KLHL15: variants seen among roughly 807,000 people sequenced by gnomAD.
The protein encoded by KLHL15 is kelch like family member 15, also known as kelch-like protein 15.
Under a neutral mutation model 29.3 loss-of-function variants are expected in KLHL15, and 1 was observed. The ratio of observed to expected loss-of-function variants is 0.03; its 90% confidence interval spans 0.01 to 0.16. KLHL15 has a LOEUF of 0.16. Ranked by LOEUF, KLHL15 falls within the 10% of genes least tolerant of loss-of-function variation. The pLI, the probability that KLHL15 is intolerant of heterozygous loss-of-function variation, is 1.00. For missense variants in KLHL15, 215 were observed against 478.5 expected (o/e 0.45, Z 5.14); for synonymous variants, 212 against 184.5 (o/e 1.15, Z -1.21).
intron 3 of KLHL15, among the ~76,000 whole-genome samples, chrX:23,990,579 A>AT (rs1395155433): frequency 6.3e-5 from 7 of 111,776 alleles, no homozygotes; most frequent in Non-Finnish European, 3.8e-5. Flanking sequence ...TGATTTGAGC[A>AT]TTTAGACTTG....
intron 3 of KLHL15, among the ~76,000 whole-genome samples, chrX:23,997,069 T>A (rs1929204921): frequency 8.9e-6 from 1 of 112,222 alleles, no homozygotes; most frequent in Non-Finnish European, 1.9e-5. Context: ...AAAAATGAAC[T>A]GAACTTCAGA....
intron 2 of KLHL15, among the ~76,000 whole-genome samples, chrX:24,022,421 T>TC (rs1399475985): frequency 9.6e-6 from 1 of 103,984 alleles, no homozygotes; most frequent in Admixed American, 1.0e-4. Flanking sequence ...ATCACTTGAG[T>TC]CCAGGAGTTC....
intron 3 of KLHL15, among the ~76,000 whole-genome samples, chrX:24,003,957 T>TAAA (rs373003607): frequency 1.2e-5 from 1 of 86,127 alleles, no homozygotes; most frequent in African/African-American, 4.1e-5. Context: ...AAAAGTATAC[T>TAAA]AAAAAAAAAA....
intron 2 of KLHL15, among the ~76,000 whole-genome samples, chrX:24,007,935 AC>A (rs1227546072): frequency 1.7e-4 from 14 of 82,698 alleles, no homozygotes; most frequent in South Asian, 1.1e-3. Context: ...GAAAAAAAAA[AC>A]AAGTGACTGC....
chrX:24,000,109 T>C (rs1958264485), intron 3 of KLHL15, among the ~76,000 whole-genome samples: 1 of 112,048 alleles, frequency 8.9e-6, no homozygotes, highest in African/African-American at 3.2e-5. Context: ...CTGAAGGAGA[T>C]TTAGAACTTT....
At chrX:24,012,190 G>A (rs370033233) in intron 2 of KLHL15, among the ~76,000 whole-genome samples, 3 of 112,568 alleles carry the variant, frequency 2.7e-5, no homozygotes, top group East Asian at 5.6e-4. Context: ...AGAGTATCAG[G>A]TAGTTTTACT....
chrX:23,996,389 G>A (rs1023352772), intron 3 of KLHL15, among the ~76,000 whole-genome samples: 23 of 112,371 alleles, frequency 2.0e-4, no homozygotes, highest in African/African-American at 7.1e-4. Context: ...TATCAGGCCG[G>A]GCGTGGTGGC....
chrX:23,988,122 A>G lies in KLHL15; in HGVS notation c.1614T>C (p.Thr538=). 8.3e-7 allele frequency: 1 copy of G among 1,211,548 alleles called. No homozygotes were observed. Among genetic ancestry groups the G allele is most frequent in the Non-Finnish European group, 1.1e-6 (1 of 895,185 alleles). The change falls in exon 4 of 4, where the codon ACT becomes ACC. Residue 538 remains threonine (T), a synonymous_variant. Coordinates refer to ENST00000328046, the MANE Select transcript of KLHL15 (RefSeq NM_030624.3). ...GAACCATTATTTGTTTGTCCAGCACAGTCACACCATGGCCACTTCTACCAA... is the reference window on the plus strand; with the variant it reads ...GAACCATTATTTGTTTGTCCAGCACGGTCACACCATGGCCACTTCTACCAA... ...MPIGRSGHGV[T]VLDKQIMVLG...
chrX:24,024,588 C>T (rs767268118), intron 2 of KLHL15, among the ~76,000 whole-genome samples: 2 of 112,507 alleles, frequency 1.8e-5, no homozygotes, highest in Non-Finnish European at 3.8e-5. Context: ...AGGGAAGGAA[C>T]GGGTTAGGCA....
At chrX:23,998,508 C>T (rs1471263664) in intron 3 of KLHL15, among the ~76,000 whole-genome samples, 10 of 110,481 alleles carry the variant, frequency 9.1e-5, no homozygotes, top group Admixed American at 2.9e-4. Context: ...CTGCCCGCCT[C>T]GGCGTCCCAA....
intron 2 of KLHL15, among the ~76,000 whole-genome samples, chrX:24,021,486 G>A (rs1929802645): frequency 8.9e-6 from 1 of 111,889 alleles, no homozygotes; most frequent in Admixed American, 9.6e-5. Flanking sequence ...GGCAATACAG[G>A]CTATCCATTT....
chrX:24,004,509 T>C (rs1406156517), intron 3 of KLHL15, among the ~76,000 whole-genome samples: 1 of 112,115 alleles, frequency 8.9e-6, no homozygotes, highest in Non-Finnish European at 1.9e-5. Flanking sequence ...AAATACATTA[T>C]TGGCTGGGTG....
chrX:23,999,659 A>G (rs948910097), intron 3 of KLHL15, among the ~76,000 whole-genome samples: 5 of 105,907 alleles, frequency 4.7e-5, no homozygotes, highest in African/African-American at 1.7e-4. Context: ...AATTTTCAAT[A>G]GGTTCCTGTC....
chrX:24,010,067 C>T (rs1929544345), intron 2 of KLHL15, among the ~76,000 whole-genome samples: 1 of 110,161 alleles, frequency 9.1e-6, no homozygotes, highest in African/African-American at 3.3e-5. Context: ...ATAAGATCAG[C>T]CATCCAAAAA....
rs745425907 is a variant in KLHL15, at chrX:24,006,535, A to G, written c.159T>C (p.Ser53=). 2 of 1,210,918 alleles carry G rather than the reference A, an allele frequency of 1.7e-6. No individual in the cohort carries two copies. Among genetic ancestry groups the G allele is most frequent in the Non-Finnish European group, 2.2e-6 (2 of 895,334 alleles). The change falls in exon 3 of 4, where the codon AGT becomes AGC. Residue 53 remains serine (S), a synonymous_variant. Transcript: ENST00000328046. ...QAHKALLATQ[S]DYFRIMFTAD... is the part of the protein sequence containing the mutation. Reference sequence around the variant, plus strand: ...CAGTAAACATAATTCTGAAGTAATCACTCTGGGTGGCCAAGAGTGCTTTAT... The same window carrying G: ...CAGTAAACATAATTCTGAAGTAATCGCTCTGGGTGGCCAAGAGTGCTTTAT...
chrX:24,004,347 T>TCAAAACAAAACAAAACAAAC (rs986107399), intron 3 of KLHL15, among the ~76,000 whole-genome samples: 10 of 109,655 alleles, frequency 9.1e-5, no homozygotes, highest in Non-Finnish European at 1.5e-4. Flanking sequence ...GAGACTCCTC[T>TCAAAACAAAACAAAACAAAC]CAAAACAAAA....
At chrX:24,015,859 C>T (rs1029891806) in intron 2 of KLHL15, among the ~76,000 whole-genome samples, 35 of 110,374 alleles carry the variant, frequency 3.2e-4, no homozygotes, top group Non-Finnish European at 6.4e-4. Flanking sequence ...ATTAGCCGGG[C>T]ATGGTAGCTG....
At chrX:24,001,309 T>C (rs1311720430) in intron 3 of KLHL15, among the ~76,000 whole-genome samples, 1 of 111,674 alleles carries the variant, frequency 9.0e-6, no homozygotes, top group Admixed American at 9.6e-5. Context: ...TTTATGATTA[T>C]GTAAGATACT....
intron 3 of KLHL15, among the ~76,000 whole-genome samples, chrX:24,001,887 A>G (rs771701545): frequency 9.3e-6 from 1 of 107,087 alleles, no homozygotes; most frequent in South Asian, 4.2e-4. Flanking sequence ...TAATCCCAGC[A>G]CTTTGGGAGG....
Sources: allele counts gnomAD v4.1 joint callset (sites outside exome capture counted in the v4.1 genomes callset), GRCh38; gene constraint gnomAD v4.1.1; transcripts MANE v1.5; gene names NCBI Gene and HGNC (gene_info 2026-07-23, HGNC 2026-07-21).